EPS8L2: variants seen among roughly 807,000 people sequenced by gnomAD.
EPS8L2 encodes epidermal growth factor receptor kinase substrate 8-like protein 2.
EPS8L2 carries 81 observed loss-of-function variants against 99.4 expected under a neutral mutation model. That is an observed-to-expected ratio of 0.82 (90% CI 0.68 to 0.98). The LOEUF (loss-of-function observed/expected upper bound fraction) is 0.98, where lower values mean the gene tolerates loss of function less well. Ranked by LOEUF, EPS8L2 falls within the 50% of genes least tolerant of loss-of-function variation. The pLI, the probability that EPS8L2 is intolerant of heterozygous loss-of-function variation, is 0.00. For missense variants in EPS8L2, 1,155 were observed against 968.8 expected (o/e 1.19, Z -2.55); for synonymous variants, 509 against 407.3 (o/e 1.25, Z -3.01).
intron 4 of EPS8L2, among the ~76,000 whole-genome samples, chr11:715,048 C>G (rs561407576): frequency 6.6e-6 from 1 of 152,076 alleles, no homozygotes; most frequent in Non-Finnish European, 1.5e-5. Context: ...CAAGACCATT[C>G]TGGCTAACAT....
chr11:710,770 G>C (rs1861869093), intron 4 of EPS8L2, among the ~76,000 whole-genome samples: 1 of 152,124 alleles, frequency 6.6e-6, no homozygotes, highest in Admixed American at 6.5e-5. Context: ...AAGAGAGAAA[G>C]GGAGGAAGGG....
At chr11:712,440 C>G (rs1481011989) in intron 4 of EPS8L2, among the ~76,000 whole-genome samples, 3 of 140,450 alleles carry the variant, frequency 2.1e-5, no homozygotes, top group African/African-American at 7.9e-5. Flanking sequence ...GAGCTGGGCT[C>G]CCGGTTGTCG....
rs376502072 is a variant in EPS8L2, at chr11:720,675, C to A, written c.406C>A (p.Leu136Met). 3.1e-6 allele frequency: 5 copies of A among 1,597,224 alleles called. No homozygotes were observed. The highest frequency in any genetic ancestry group is 1.3e-5 in the African/African-American group (1 of 74,798). Reference sequence around the variant, plus strand: ...CAACCAGCTGCGCTACCCGTCTGTGCTGCTGCTCGTGTGCCAGGACTCGGA... The same window carrying A: ...CAACCAGCTGCGCTACCCGTCTGTGATGCTGCTCGTGTGCCAGGACTCGGA... ...VLNQLRYPSV[L>M]LLVCQDSEQS... is the part of the protein sequence containing the mutation. Residue 136 changes from leucine (L) to methionine (M), a missense_variant, in exon 6 of 21, where the codon CTG (leucine) becomes ATG (methionine). Transcript: ENST00000318562.
rs74916186 is a variant in EPS8L2, at chr11:721,877, G to C, written c.896-26G>C. ...GGGCCGGGGAGATCAGGGCCAGCCT[G>C]GCTCACGCGGTGCCTCCCATGCCAG... On this transcript the variant is annotated intron_variant, in intron 10 of 20. Transcript: ENST00000318562. The C allele has an allele frequency of 0.11, 165,362 of 1,567,328 alleles. 9,443 individuals carry two copies. The highest frequency in any genetic ancestry group is 0.12 in the Non-Finnish European group (137,265 of 1,156,140).
At chr11:714,455 T>G (rs1489767625) in intron 4 of EPS8L2, among the ~76,000 whole-genome samples, 1 of 151,802 alleles carries the variant, frequency 6.6e-6, no homozygotes, top group Non-Finnish European at 1.5e-5. Flanking sequence ...GGTCTCGAAC[T>G]CCTGATCCCA....
At position 720,820 on chromosome 11, in the gene EPS8L2, G is replaced by A. The variant is rs904185089; in HGVS notation, c.478-10G>A. 4 of 1,542,754 alleles carry A rather than the reference G, an allele frequency of 2.6e-6. No homozygotes were observed. Among genetic ancestry groups the A allele is most frequent in the South Asian group, 1.2e-5 (1 of 83,904 alleles). On this transcript the variant is annotated splice_polypyrimidine_tract_variant and intron_variant, in intron 6 of 20. Coordinates refer to ENST00000318562, the MANE Select transcript of EPS8L2 (RefSeq NM_022772.4). ...CCGCCCTCCTGGCCGCCTGACGCCC[G>A]CTTTCCCAGGCAGAGCTGGTGCACG... is the stretch of plus-strand genomic sequence containing the variant.
intron 16 of EPS8L2, among the ~76,000 whole-genome samples, chr11:725,090 C>T (rs570390776): frequency 2.6e-5 from 4 of 152,338 alleles, no homozygotes; most frequent in East Asian, 1.9e-4. Context: ...ATCTGCACCA[C>T]GTGGACTCAG....
In EPS8L2 at chr11:727,362, G is replaced by T; in HGVS notation, c.*381G>T. 1 of 168,052 alleles carries T rather than the reference G, an allele frequency of 6.0e-6. No homozygotes were observed. Among genetic ancestry groups the T allele is most frequent in the Non-Finnish European group, 1.3e-5 (1 of 77,620 alleles). 10.4% of individuals were successfully genotyped at this position (168,052 alleles called of 1,614,324 possible). On this transcript the variant is annotated 3_prime_UTR_variant, in exon 21 of 21. Transcript: ENST00000318562. Reference sequence around the variant, plus strand: ...TACATCCATCCACACCCCAGGGTGAGCTGGAGCTCCAGGCTGGCCAGGCTG... The same window carrying T: ...TACATCCATCCACACCCCAGGGTGATCTGGAGCTCCAGGCTGGCCAGGCTG...
chr11:726,572 C>T, intron 19 of EPS8L2, 47 bp from the exon 20 acceptor site: 6 of 1,516,576 alleles, frequency 4.0e-6, no homozygotes, highest in Non-Finnish European at 5.3e-6. Flanking sequence ...GGGCGCCAGG[C>T]AGCCTCGCTC....
intron 4 of EPS8L2, among the ~76,000 whole-genome samples, chr11:719,824 G>C (rs1194848306): frequency 1.3e-5 from 2 of 152,162 alleles, no homozygotes; most frequent in African/African-American, 4.8e-5. Flanking sequence ...TGGTGGCGCG[G>C]GGCCGGGCAG....
At position 726,394 on chromosome 11, in the gene EPS8L2, A is replaced by G; in HGVS notation, c.1844A>G (p.Glu615Gly). ...CAGCCACAGAGGCACTTCCGCGTGG[A>G]GCGCAGCCAGCCCGTGAGCCAGCCG... ...RAQPQRHFRVERSQPVSQPLT... is the reference protein window; with the variant it reads ...RAQPQRHFRVGRSQPVSQPLT... Residue 615 changes from glutamate (E) to glycine (G), a missense_variant, in exon 19 of 21, where the codon GAG becomes GGG. By Grantham distance (98) the Glu-to-Gly change is moderately conservative. Transcript: ENST00000318562. The G allele has an allele frequency of 6.2e-7, 1 of 1,608,424 alleles. No individual in the cohort carries two copies. Among genetic ancestry groups the G allele is most frequent in the Non-Finnish European group, 8.5e-7 (1 of 1,178,436 alleles).
chr11:726,093 C>T lies in EPS8L2; in HGVS notation c.1681-5C>T, dbSNP rs1443969419. 1.1e-5 allele frequency: 17 copies of T among 1,576,840 alleles called. No homozygotes were observed. Among genetic ancestry groups the T allele is most frequent in the Admixed American group, 1.7e-5 (1 of 57,662 alleles). On this transcript the variant is annotated splice_polypyrimidine_tract_variant and splice_region_variant and intron_variant, in intron 17 of 20. Coordinates refer to ENST00000318562, the MANE Select transcript of EPS8L2 (RefSeq NM_022772.4). ...GGGGAGCCTAATCGCCCCCCGCCCCCGCAGGCCGGTCAGAAGTACTGGGGC... is the reference window on the plus strand; with the variant it reads ...GGGGAGCCTAATCGCCCCCCGCCCCTGCAGGCCGGTCAGAAGTACTGGGGC...
intron 16 of EPS8L2, among the ~76,000 whole-genome samples, chr11:725,238 C>T (rs1428589668): frequency 6.6e-6 from 1 of 152,230 alleles, no homozygotes; most frequent in Non-Finnish European, 1.5e-5. Flanking sequence ...CACAGCCTGG[C>T]TCGGCGGCTC....
chr11:716,122 A>G (rs1590050447), intron 4 of EPS8L2, among the ~76,000 whole-genome samples: 1 of 147,530 alleles, frequency 6.8e-6, no homozygotes, highest in African/African-American at 2.5e-5. Context: ...ACAGGCATGC[A>G]CCACCATGCC....
intron 4 of EPS8L2, among the ~76,000 whole-genome samples, chr11:717,099 C>G (rs1000741404): frequency 6.6e-5 from 10 of 152,190 alleles, no homozygotes; most frequent in African/African-American, 2.4e-4. Flanking sequence ...AACTCAGCCT[C>G]CTGAGTAGCC....
chr11:726,994 TG>T lies in EPS8L2; in HGVS notation c.*16del. 6.3e-7 allele frequency: 1 copy of T among 1,599,546 alleles called. No homozygotes were observed. Among genetic ancestry groups the T allele is most frequent in the South Asian group, 1.1e-5 (1 of 90,496 alleles). On this transcript the variant is annotated 3_prime_UTR_variant, in exon 21 of 21. Transcript: ENST00000318562. ...GGAGGACAGCTAGGCCCAGCTGCCT[TG>T]GGCTGGGGCCTGCGGAGGGGAAGCC...
chr11:727,141 A>G lies in EPS8L2; in HGVS notation c.*160A>G, dbSNP rs913777679. On this transcript the variant is annotated 3_prime_UTR_variant, in exon 21 of 21. Transcript: ENST00000318562. The stretch of plus-strand genomic sequence containing the variant: ...GTCTGGAGGCACAACGCCCATCCTT[A>G]GGCCAAACAGTACCCAAGGCCTCAG... The G allele has an allele frequency of 1.8e-5, 11 of 604,064 alleles. No individual in the cohort carries two copies. Among genetic ancestry groups the G allele is most frequent in the Non-Finnish European group, 3.2e-5 (11 of 340,470 alleles). The allele number at this position is 604,064 out of a possible 1,614,324, so 37.4% of individuals were successfully genotyped here. A position where few individuals can be genotyped will look rare whatever the true frequency, so the allele number is the denominator to read the frequency against.
intron 3 of EPS8L2, 21 bp from the exon 4 acceptor site, chr11:710,401 G>T: frequency 6.2e-7 from 1 of 1,612,722 alleles, no homozygotes; most frequent in South Asian, 1.1e-5. Context: ...TCGGGGGAGT[G>T]ACTGGTGTCT....
chr11:709,210 G>A (rs1019661129), intron 1 of EPS8L2, 120 bp from the exon 2 acceptor site: 33 of 567,520 alleles, frequency 5.8e-5, no homozygotes, highest in Middle Eastern at 4.8e-4. Flanking sequence ...GTCGGGCAGG[G>A]GCTCTGCCCC....
Sources: allele counts gnomAD v4.1 joint callset (sites outside exome capture counted in the v4.1 genomes callset), GRCh38; gene constraint gnomAD v4.1.1; transcripts MANE v1.5; gene names NCBI Gene and HGNC (gene_info 2026-07-23, HGNC 2026-07-21).